Variants in ZNF613 observed in about 807,000 individuals in gnomAD.
The protein encoded by ZNF613 is zinc finger protein 613.
Under a neutral mutation model 14.3 loss-of-function variants are expected in ZNF613, and 8 were observed. The observed-to-expected ratio is 0.56, with a 90% confidence interval of 0.33 to 1.01. The LOEUF is 1.01. Ranked by LOEUF, ZNF613 falls within the 50% of genes least tolerant of loss-of-function variation. ZNF613 has a pLI of 0.03. For missense variants in ZNF613, 656 were observed against 741.9 expected (o/e 0.88, Z 1.35); for synonymous variants, 228 against 254.5 (o/e 0.90, Z 0.99).
At chr19:51,937,725 CTTTTTTTTTT>C (rs557250619) in intron 3 of ZNF613, among the ~76,000 whole-genome samples, 1 of 105,282 alleles carries the variant, frequency 9.5e-6, no homozygotes, top group Non-Finnish European at 1.9e-5. Context: ...TGTCTTTTTT[CTTTTTTTTTT>C]TTTTTTTTTT....
intron 5 of ZNF613, among the ~76,000 whole-genome samples, chr19:51,941,276 G>T (rs1364910797): frequency 3.3e-5 from 5 of 152,130 alleles, no homozygotes; most frequent in Admixed American, 1.3e-4. Context: ...TTTTCTCAAG[G>T]TTTCTTCCTT....
chr19:51,937,449 G>T (rs997104323), intron 3 of ZNF613, among the ~76,000 whole-genome samples: 10 of 152,194 alleles, frequency 6.6e-5, no homozygotes, highest in African/African-American at 2.4e-4. Flanking sequence ...TGTCAGAAAT[G>T]TGAGTAAAAA....
chr19:51,941,537 TA>T (rs2085350696), intron 5 of ZNF613, among the ~76,000 whole-genome samples: 1 of 152,162 alleles, frequency 6.6e-6, no homozygotes, highest in Non-Finnish European at 1.5e-5. Context: ...TTGCTTTGCA[TA>T]TATTTGCTTC....
intron 1 of ZNF613, 114 bp downstream of exon 1, chr19:51,927,654 A>G (rs1258235317): frequency 6.6e-6 from 1 of 151,786 alleles, no homozygotes; most frequent in African/African-American, 2.4e-5. Context: ...GAGTCGGGGT[A>G]TTGGGGTTGG....
At chr19:51,928,951 C>G (rs1477927446) in intron 1 of ZNF613, among the ~76,000 whole-genome samples, 5 of 151,980 alleles carry the variant, frequency 3.3e-5, no homozygotes, top group Non-Finnish European at 7.4e-5. Flanking sequence ...CGTTCTTCTT[C>G]CTCAGGTTTA....
intron 3 of ZNF613, among the ~76,000 whole-genome samples, chr19:51,937,804 A>G (rs1169546200): frequency 3.5e-5 from 5 of 141,634 alleles, no homozygotes; most frequent in African/African-American, 1.3e-4. Context: ...ATCTTGGCCT[A>G]CCACAACCTC....
rs114099603 is a variant in ZNF613 at position 51,938,799 on chromosome 19, C to T, written c.16-1410C>T. On this transcript the variant is annotated intron_variant, in intron 3 of 5. Coordinates refer to ENST00000293471, the MANE Select transcript of ZNF613 (RefSeq NM_001031721.4). ...ATAGTCTGGGAGCAATAGGCTATACCGTAGAGCCTGGGCATGTAGTAGGCT... is the reference window on the plus strand; with the variant it reads ...ATAGTCTGGGAGCAATAGGCTATACTGTAGAGCCTGGGCATGTAGTAGGCT... Among the ~76,000 whole-genome samples, 827 of 143,576 alleles carry T rather than the reference C, an allele frequency of 5.8e-3. 5 individuals are homozygous for T. The highest frequency in any genetic ancestry group is 0.021 in the African/African-American group (774 of 37,062). 94.2% of individuals were successfully genotyped at this position (143,576 alleles called of 152,430 possible).
intron 4 of ZNF613, 112 bp downstream of exon 4, chr19:51,940,447 AC>A (rs2085339282): frequency 1.9e-6 from 3 of 1,574,346 alleles, no homozygotes; most frequent in Non-Finnish European, 2.6e-6. Context: ...TAGATTCTGT[AC>A]CCTCTCTGGC....
intron 2 of ZNF613, among the ~76,000 whole-genome samples, chr19:51,935,507 A>C (rs997111198): frequency 6.6e-6 from 1 of 152,358 alleles, no homozygotes; most frequent in Non-Finnish European, 1.5e-5. Flanking sequence ...GGAATGGGAA[A>C]TAATGATTGA....
At position 51,944,336 on chromosome 19, in the gene ZNF613, C is replaced by T; in HGVS notation, c.453C>T (p.Ile151=). 1 of 1,593,086 alleles carries T rather than the reference C, an allele frequency of 6.3e-7. No individual in the cohort carries two copies. The part of the protein sequence containing the change: ...SLVNQNKRYE[I]KNSVGVNGDG... The stretch of plus-strand genomic sequence containing the variant: ...TCAACCAGAACAAAAGGTATGAAAT[C>T]AAGAATTCTGTGGGGGTTAATGGAG... The change falls in exon 6 of 6, where the codon ATC becomes ATT. Residue 151 remains isoleucine, a synonymous_variant. Transcript: ENST00000293471.
chr19:51,939,342 A>G (rs1385084151), intron 3 of ZNF613, among the ~76,000 whole-genome samples: 2 of 151,126 alleles, frequency 1.3e-5, no homozygotes, highest in South Asian at 2.1e-4. Flanking sequence ...TTATGTATTT[A>G]TTTTGAGATG....
At chr19:51,930,392 G>A (rs954139624) in intron 2 of ZNF613, among the ~76,000 whole-genome samples, 8 of 152,112 alleles carry the variant, frequency 5.3e-5, no homozygotes, top group Non-Finnish European at 1.0e-4. Context: ...CTCCCAAGTA[G>A]CTGAGATTAC....
At chr19:51,930,975 G>A (rs2122804906) in intron 2 of ZNF613, among the ~76,000 whole-genome samples, 1 of 152,130 alleles carries the variant, frequency 6.6e-6, no homozygotes, top group Non-Finnish European at 1.5e-5. Context: ...GGTGTTAGGT[G>A]GTTTCTCATG....
chr19:51,940,048 A>G (rs776628767), intron 3 of ZNF613, among the ~76,000 whole-genome samples, 161 bp from the exon 4 acceptor site: 6 of 152,138 alleles, frequency 3.9e-5, no homozygotes, highest in Middle Eastern at 3.2e-3. Context: ...GATTTTGGAG[A>G]TGGATTTTTG....
chr19:51,940,328 G>T lies in ZNF613; in HGVS notation c.135G>T (p.Val45=). The change falls in exon 4 of 6, where the codon GTG becomes GTT. Residue 45 remains valine, a synonymous_variant. Coordinates refer to ENST00000293471, the MANE Select transcript of ZNF613 (RefSeq NM_001031721.4). ...TGTTGGAGAACTATAGCAACCTCGT[G>T]TCAGTGGGTGAGGACAGCTGCCCTG... is the stretch of plus-strand genomic sequence containing the variant. ...DVMLENYSNL[V]SVGYQASKPD... The T allele has an allele frequency of 6.2e-7, 1 of 1,613,400 alleles. No homozygotes were observed. The highest frequency in any genetic ancestry group is 1.1e-5 in the South Asian group (1 of 91,056).
Position 51,936,034 on chromosome 19 carries a change from G to C in ZNF613, c.-187G>C. On this transcript the variant is annotated 5_prime_UTR_variant, in exon 3 of 6. Coordinates refer to ENST00000293471, the MANE Select transcript of ZNF613 (RefSeq NM_001031721.4). The stretch of plus-strand genomic sequence containing the variant: ...AAATCAATTTACTCTTCAGCCCACA[G>C]GTCCTGACTTCAGGAGCAAGACACT... The C allele has an allele frequency of 2.0e-6, 1 of 500,152 alleles. No homozygotes were observed. Among genetic ancestry groups the C allele is most frequent in the Non-Finnish European group, 3.5e-6 (1 of 284,794 alleles). The allele number at this position is 500,152 out of a possible 1,614,324, so 31.0% of individuals were successfully genotyped here.
chr19:51,940,388 C>T, intron 4 of ZNF613, 53 bp downstream of exon 4: 1 of 1,612,210 alleles, frequency 6.2e-7, no homozygotes, highest in Non-Finnish European at 8.5e-7. Context: ...AAGGCCTTTG[C>T]TTTCTCAGCT....
Position 51,940,635 on chromosome 19 carries a change from C to CT in ZNF613, c.161_162insT (p.Asp55ArgfsTer17), listed in dbSNP as rs1177219897. The CT allele has an allele frequency of 6.2e-7, 1 of 1,613,054 alleles. No homozygotes were observed. The highest frequency in any genetic ancestry group is 1.3e-5 in the African/African-American group (1 of 74,854). ...TGAACAGGGTATCAAGCCAGCAAAC[C>CT]AGATGCACTCTTCAAGTTGGAACAA... On this transcript the variant is annotated frameshift_variant, in exon 5 of 6. Coordinates refer to ENST00000293471, the MANE Select transcript of ZNF613 (RefSeq NM_001031721.4). LOFTEE classifies it high-confidence loss of function.
Position 51,937,682 on chromosome 19 carries a change from G to A in ZNF613, c.15+1447G>A, listed in dbSNP as rs538142849. On this transcript the variant is annotated intron_variant, in intron 3 of 5. Coordinates refer to ENST00000293471, the MANE Select transcript of ZNF613 (RefSeq NM_001031721.4). ...CACTTAGGTCCCAGGACAGTTTTTAGATGGTTCTTCCTAGAGGTGGTGTGA... is the reference window on the plus strand; with the variant it reads ...CACTTAGGTCCCAGGACAGTTTTTAAATGGTTCTTCCTAGAGGTGGTGTGA... Among the ~76,000 whole-genome samples the A allele has an allele frequency of 2.0e-5, 3 of 149,242 alleles. No homozygotes were observed. The East Asian group carries it at 6.1e-4, about 30-fold the overall frequency.
Sources: allele counts gnomAD v4.1 joint callset (sites outside exome capture counted in the v4.1 genomes callset), GRCh38; gene constraint gnomAD v4.1.1; transcripts MANE v1.5; gene names NCBI Gene and HGNC (gene_info 2026-07-23, HGNC 2026-07-21).